Variants in ATG2B observed in about 807,000 individuals in gnomAD.
The protein encoded by ATG2B is autophagy-related protein 2 homolog B.
ATG2B carries 121 observed loss-of-function variants against 241.3 expected under a neutral mutation model. That is an observed-to-expected ratio of 0.50 (90% CI 0.43 to 0.58). The LOEUF (loss-of-function observed/expected upper bound fraction) is 0.58, where lower values mean the gene tolerates loss of function less well. ATG2B is among the 20% of genes least tolerant of loss of function. ATG2B has a pLI of 0.00. For missense variants in ATG2B, 2,306 were observed against 2,491.6 expected (o/e 0.93, Z 1.59); for synonymous variants, 858 against 876.6 (o/e 0.98, Z 0.37).
chr14:96,298,744 T>C (rs1595296404), intron 34 of ATG2B, among the ~76,000 whole-genome samples: 5 of 152,164 alleles, frequency 3.3e-5, no homozygotes, highest in Admixed American at 2.0e-4. Flanking sequence ...AGTAGTCACT[T>C]TGGGATGGTG....
At chr14:96,301,980 G>A (rs371331359) in intron 34 of ATG2B, 27 bp downstream of exon 34, 16 of 1,525,654 alleles carry the variant, frequency 1.0e-5, no homozygotes, top group Admixed American at 6.9e-5. Flanking sequence ...TAACTGTAAC[G>A]GCAGGAATCA....
intron 34 of ATG2B, among the ~76,000 whole-genome samples, chr14:96,299,132 T>G (rs1428511154): frequency 7.9e-5 from 12 of 152,174 alleles, no homozygotes; most frequent in Admixed American, 7.9e-4. Context: ...AGAGCCTGGT[T>G]GAGCACTTAC....
intron 1 of ATG2B, among the ~76,000 whole-genome samples, chr14:96,350,070 T>A (rs1888273888): frequency 6.6e-6 from 1 of 152,100 alleles, no homozygotes; most frequent in Admixed American, 6.5e-5. Context: ...GTGGGAGGAA[T>A]GCTTAAGCCC....
rs761380155 is a variant in ATG2B at position 96,286,004 on chromosome 14, T to C, written c.6007-19A>G. On this transcript the variant is annotated intron_variant, in intron 41 of 41. Transcript: ENST00000359933. Reference sequence around the variant, plus strand: ...TGATTCCCTGCGTAGAGGAGGGAGGTAGGAGAGAGGAGGGCAGTGAACAAA... The same window carrying C: ...TGATTCCCTGCGTAGAGGAGGGAGGCAGGAGAGAGGAGGGCAGTGAACAAA... 1.9e-6 allele frequency: 3 copies of C among 1,589,180 alleles called. No homozygotes were observed. The highest frequency in any genetic ancestry group is 1.7e-4 in the Middle Eastern group (1 of 5,920).
intron 2 of ATG2B, among the ~76,000 whole-genome samples, chr14:96,346,483 A>C (rs12590189): frequency 0.34 from 51,430 of 152,114 alleles, 9,961 homozygotes; most frequent in Non-Finnish European, 0.44. Context: ...CCATGCATGC[A>C]TAATCGGTTT....
intron 34 of ATG2B, among the ~76,000 whole-genome samples, chr14:96,300,928 C>T (rs1886772988): frequency 6.6e-6 from 1 of 152,128 alleles, no homozygotes; most frequent in Non-Finnish European, 1.5e-5. Context: ...TTTATTTAAA[C>T]AACTAATGAA....
chr14:96,356,825 CT>C (rs750949492), intron 1 of ATG2B, among the ~76,000 whole-genome samples: 14 of 151,850 alleles, frequency 9.2e-5, no homozygotes, highest in Non-Finnish European at 1.8e-4. Context: ...CTGTTTAATA[CT>C]AAGCTTGAGT....
intron 29 of ATG2B, among the ~76,000 whole-genome samples, chr14:96,308,261 TATATATATATATA>T (rs1887038060): frequency 1.2e-4 from 3 of 25,602 alleles, no homozygotes; most frequent in South Asian, 9.9e-4. Context: ...TACACACATA[TATATATATATATA>T]TATATATATT....
At chr14:96,352,303 A>C (rs1888346528) in intron 1 of ATG2B, among the ~76,000 whole-genome samples, 1 of 152,242 alleles carries the variant, frequency 6.6e-6, no homozygotes, top group African/African-American at 2.4e-5. Flanking sequence ...GGGTGATAAT[A>C]AACAACTATG....
chr14:96,352,985 A>G (rs988183811), intron 1 of ATG2B, among the ~76,000 whole-genome samples: 1 of 152,196 alleles, frequency 6.6e-6, no homozygotes, highest in African/African-American at 2.4e-5. Flanking sequence ...CCATACAGCC[A>G]TATCAATTTT....
intron 34 of ATG2B, among the ~76,000 whole-genome samples, 179 bp downstream of exon 34, chr14:96,301,828 G>C: frequency 6.6e-6 from 1 of 151,700 alleles, no homozygotes; most frequent in Middle Eastern, 3.4e-3. Flanking sequence ...TAATGATGTT[G>C]ACTCAGCCAT....
intron 28 of ATG2B, among the ~76,000 whole-genome samples, chr14:96,310,824 C>T (rs1469244967): frequency 6.6e-6 from 1 of 151,844 alleles, no homozygotes; most frequent in Non-Finnish European, 1.5e-5. Flanking sequence ...CAAGCTTTTG[C>T]ATGATAAATG....
rs1451720334 is a variant in ATG2B, at chr14:96,284,891, C to T, written c.*864G>A. 6.6e-6 allele frequency: 1 copy of T among 152,132 alleles called. No homozygotes were observed. The highest frequency in any genetic ancestry group is 1.5e-5 in the Non-Finnish European group (1 of 68,020). 9.4% of individuals were successfully genotyped at this position (152,132 alleles called of 1,614,324 possible). ...CTTTTAAAAGAGGAAAAATCACTTCCAATCTTCCCTTCCACACATTCCTAA... is the reference window on the plus strand; with the variant it reads ...CTTTTAAAAGAGGAAAAATCACTTCTAATCTTCCCTTCCACACATTCCTAA... On this transcript the variant is annotated 3_prime_UTR_variant, in exon 42 of 42. Coordinates refer to ENST00000359933, the MANE Select transcript of ATG2B (RefSeq NM_018036.7).
chr14:96,339,116 GT>G lies in ATG2B; in HGVS notation c.924+2405del, dbSNP rs962939142. Among the ~76,000 whole-genome samples, 106 of 152,062 alleles carry G rather than the reference GT, an allele frequency of 7.0e-4. 1 individual carries two copies. The highest frequency in any genetic ancestry group is 3.5e-3 in the Admixed American group (53 of 15,270). ...CTGCAAGAATGGCCATAATTAAAAA[GT>G]CAAAAAACAATAGATGTTGGGATGG... On this transcript the variant is annotated intron_variant, in intron 6 of 41. Transcript: ENST00000359933.
Position 96,280,990 on chromosome 14 carries a change from G to T in ATG2B, c.*4765C>A, listed in dbSNP as rs1886184052. 6.6e-6 allele frequency: 1 copy of T among 152,200 alleles called. No homozygotes were observed. Among genetic ancestry groups the T allele is most frequent in the Non-Finnish European group, 1.5e-5 (1 of 68,044 alleles). 9.4% of individuals were successfully genotyped at this position (152,200 alleles called of 1,614,324 possible). On this transcript the variant is annotated 3_prime_UTR_variant, in exon 42 of 42. Coordinates refer to ENST00000359933, the MANE Select transcript of ATG2B (RefSeq NM_018036.7). ...CAGTTTCGTGATATCAAACTAGGAG[G>T]TGTGTTTGCTGCAAGTCCTTATTGC...
At chr14:96,305,324 T>C (rs888756980) in intron 31 of ATG2B, among the ~76,000 whole-genome samples, 2 of 152,194 alleles carry the variant, frequency 1.3e-5, no homozygotes, top group African/African-American at 4.8e-5. Context: ...AATAGGTACA[T>C]GGTAGATACC....
At position 96,281,993 on chromosome 14, in the gene ATG2B, T is replaced by C. The variant is rs957367779; in HGVS notation, c.*3762A>G. 6.6e-6 allele frequency: 1 copy of C among 152,208 alleles called. No homozygotes were observed. Among genetic ancestry groups the C allele is most frequent in the African/African-American group, 2.4e-5 (1 of 41,456 alleles). The allele number at this position is 152,208 out of a possible 1,614,324, so 9.4% of individuals were successfully genotyped here. Reference sequence around the variant, plus strand: ...GGGGAAATACTTCTGAATAAAAACATTGGCTGACTTGCAACTGTGCATATA... The same window carrying C: ...GGGGAAATACTTCTGAATAAAAACACTGGCTGACTTGCAACTGTGCATATA... On this transcript the variant is annotated 3_prime_UTR_variant, in exon 42 of 42. Coordinates refer to ENST00000359933, the MANE Select transcript of ATG2B (RefSeq NM_018036.7).
chr14:96,328,644 AG>A (rs751764423), intron 13 of ATG2B, 29 bp downstream of exon 13: 2 of 1,568,110 alleles, frequency 1.3e-6, no homozygotes, highest in Middle Eastern at 1.7e-4. Context: ...TAAAATTTAC[AG>A]GTGGCAATTA....
At position 96,295,062 on chromosome 14, in the gene ATG2B, G is replaced by A. The variant is rs373927989; in HGVS notation, c.5324C>T (p.Ser1775Phe). ...VISFSGPKQP[S>F]QNDSANSVEV... ...CACTGAATTGGCACTATCATTTTGG[G>A]AAGGCTGTTTTGGCCCAGAGAAAGA... The change falls in exon 36 of 42, where the codon TCC becomes TTC. Residue 1775 changes from serine to phenylalanine, a missense_variant. Physicochemically the swap from Ser to Phe is radical, Grantham distance 155 (BLOSUM62 -2). Transcript: ENST00000359933. The A allele has an allele frequency of 3.1e-6, 5 of 1,614,214 alleles. No individual in the cohort carries two copies. In the African/African-American group the frequency reaches 6.7e-5, roughly 22 times the overall value.
Sources: allele counts gnomAD v4.1 joint callset (sites outside exome capture counted in the v4.1 genomes callset), GRCh38; gene constraint gnomAD v4.1.1; transcripts MANE v1.5; gene names NCBI Gene and HGNC (gene_info 2026-07-23, HGNC 2026-07-21).